CALCRL: variants seen among roughly 807,000 people sequenced by gnomAD.
CALCRL encodes the protein calcitonin receptor like receptor.
In CALCRL, 27 loss-of-function variants were observed where a neutral mutation model predicts 60.4. That is an observed-to-expected ratio of 0.45 (90% confidence interval 0.33 to 0.62). The LOEUF (loss-of-function observed/expected upper bound fraction) is 0.62. Ranked by LOEUF, CALCRL falls within the 20% of genes least tolerant of loss-of-function variation. The probability of loss-of-function intolerance (pLI) is 0.03; values close to 1 mark genes in which losing one functional copy is unlikely to be tolerated. For synonymous variants in CALCRL, 190 were observed against 182.6 expected (o/e 1.04, Z -0.33); for missense variants, 424 against 540.7 (o/e 0.78, Z 2.14).
chr2:187,447,395 C>A (rs988804487), intron 1 of CALCRL, among the ~76,000 whole-genome samples: 24 of 151,102 alleles, frequency 1.6e-4, no homozygotes, highest in African/African-American at 5.1e-4. Context: ...TTGTAGCCGA[C>A]ACCATGATCC....
intron 1 of CALCRL, among the ~76,000 whole-genome samples, chr2:187,412,876 T>C (rs1241147498): frequency 6.6e-6 from 1 of 152,206 alleles, no homozygotes; most frequent in Non-Finnish European, 1.5e-5. Context: ...TTTTTATTGA[T>C]TGTTTTCTCT....
chr2:187,397,045 T>C (rs892485731), intron 1 of CALCRL, among the ~76,000 whole-genome samples: 9 of 151,742 alleles, frequency 5.9e-5, no homozygotes, highest in African/African-American at 1.9e-4. Flanking sequence ...AGTTTTCTTT[T>C]CTGCAAAACA....
At chr2:187,440,634 A>G (rs1194856117) in intron 1 of CALCRL, among the ~76,000 whole-genome samples, 1 of 152,158 alleles carries the variant, frequency 6.6e-6, no homozygotes, top group African/African-American at 2.4e-5. Context: ...CAGGATTAGT[A>G]TGGAAAATTA....
At chr2:187,353,294 T>A (rs778144242) in intron 12 of CALCRL, among the ~76,000 whole-genome samples, 1 of 151,944 alleles carries the variant, frequency 6.6e-6, no homozygotes, top group Non-Finnish European at 1.5e-5. Flanking sequence ...AGGGGCTAAT[T>A]GCTATTCTCT....
chr2:187,440,068 C>A (rs1223402966), intron 1 of CALCRL, among the ~76,000 whole-genome samples: 1 of 152,006 alleles, frequency 6.6e-6, no homozygotes, highest in Admixed American at 6.6e-5. Context: ...CTATTATAAT[C>A]TTATATCAAT....
rs1159523253 is a variant in CALCRL, at chr2:187,395,048, C to A, written c.-292-7292G>T. 2.0e-5 allele frequency among the ~76,000 whole-genome samples: 3 copies of A among 152,066 alleles called. No homozygotes were observed. In the South Asian group the frequency reaches 6.2e-4, roughly 31 times the overall value. ...AATACACAATAAGCATTAGCTATTGCTATTTTCTGTATCCCTCTATAATTC... is the reference window on the plus strand; with the variant it reads ...AATACACAATAAGCATTAGCTATTGATATTTTCTGTATCCCTCTATAATTC... On this transcript the variant is annotated intron_variant, in intron 1 of 14. Coordinates refer to ENST00000392370, the MANE Select transcript of CALCRL (RefSeq NM_005795.6).
intron 14 of CALCRL, among the ~76,000 whole-genome samples, chr2:187,347,116 A>G (rs1686312133): frequency 6.6e-6 from 1 of 151,836 alleles, no homozygotes; most frequent in African/African-American, 2.4e-5. Flanking sequence ...CTCTGTTTGA[A>G]GCTAGAGATC....
chr2:187,372,522 T>C (rs976319201), intron 8 of CALCRL, among the ~76,000 whole-genome samples: 1 of 152,132 alleles, frequency 6.6e-6, no homozygotes, highest in East Asian at 1.9e-4. Context: ...ATCTGGTGAA[T>C]ACTGTTTTGT....
At chr2:187,375,001 G>A (rs982968082) in intron 8 of CALCRL, among the ~76,000 whole-genome samples, 13 of 152,158 alleles carry the variant, frequency 8.5e-5, no homozygotes, top group South Asian at 4.2e-4. Context: ...GGCCGGGCGC[G>A]GTGGCTCACG....
At chr2:187,394,649 T>C (rs1388083155) in intron 1 of CALCRL, among the ~76,000 whole-genome samples, 1 of 152,030 alleles carries the variant, frequency 6.6e-6, no homozygotes. Context: ...TAAATTGCTG[T>C]GTAATTTTAA....
At chr2:187,377,935 T>A (rs961689651) in intron 8 of CALCRL, among the ~76,000 whole-genome samples, 2 of 151,842 alleles carry the variant, frequency 1.3e-5, no homozygotes, top group African/African-American at 2.4e-5. Flanking sequence ...TAATAGGGTA[T>A]TAAAATTATA....
intron 1 of CALCRL, among the ~76,000 whole-genome samples, chr2:187,432,106 T>A (rs1690432431): frequency 6.6e-6 from 1 of 152,046 alleles, no homozygotes; most frequent in African/African-American, 2.4e-5. Flanking sequence ...AAGAACTGGG[T>A]CAAAGAGGGA....
chr2:187,427,004 A>C lies in CALCRL; in HGVS notation c.-293+21035T>G, dbSNP rs183958167. On this transcript the variant is annotated intron_variant, in intron 1 of 14. Transcript: ENST00000392370. ...AGGCTTGGCAAACATCAATGTATCC[A>C]CCATCCCTGTCCCCTTGTTTGTGGC... Among the ~76,000 whole-genome samples, 27 of 152,312 alleles carry C rather than the reference A, an allele frequency of 1.8e-4. No homozygotes were observed. In the East Asian group the frequency reaches 4.8e-3, roughly 27 times the overall value.
intron 1 of CALCRL, chr2:187,431,318 G>A (rs1479467736): frequency 6.4e-6 from 1 of 155,142 alleles, no homozygotes; most frequent in Admixed American, 6.6e-5. Context: ...GCCATCCAAA[G>A]TTTTGACAGA....
intron 1 of CALCRL, chr2:187,428,921 A>T (rs970013712): frequency 6.6e-6 from 1 of 151,828 alleles, no homozygotes; most frequent in Non-Finnish European, 1.5e-5. Context: ...TACTGTAAGC[A>T]TAACTTTTCT....
Position 187,352,338 on chromosome 2 carries a change from A to G in CALCRL, c.910-6T>C. 2 of 1,541,470 alleles carry G rather than the reference A, an allele frequency of 1.3e-6. No individual in the cohort carries two copies. The highest frequency in any genetic ancestry group is 2.7e-5 in the African/African-American group (2 of 73,454). On this transcript the variant is annotated splice_region_variant and splice_polypyrimidine_tract_variant and intron_variant, in intron 12 of 14. Transcript: ENST00000392370. ...AACAAGAAAAAAAGATTCACCTAAA[A>G]ACGAAATTAAATGGCATCTGAAAAT...
chr2:187,447,523 A>G (rs1691247420), intron 1 of CALCRL, among the ~76,000 whole-genome samples: 1 of 152,098 alleles, frequency 6.6e-6, no homozygotes, highest in Non-Finnish European at 1.5e-5. Context: ...GGTGAAAGGC[A>G]AATAAAAGCA....
chr2:187,415,565 T>C, intron 1 of CALCRL: 1 of 512,128 alleles, frequency 2.0e-6, no homozygotes, highest in Non-Finnish European at 3.6e-6. Flanking sequence ...AATGTGTCAG[T>C]GGTGGACCTG....
intron 1 of CALCRL, among the ~76,000 whole-genome samples, chr2:187,444,692 G>A (rs1433057880): frequency 8.6e-5 from 13 of 151,438 alleles, no homozygotes; most frequent in Non-Finnish European, 4.4e-5. Context: ...TTCACAGGCA[G>A]TGATACTATT....
Sources: gnomAD v4.1 joint callset for allele counts (sites outside exome capture counted in the v4.1 genomes callset) on GRCh38, gnomAD v4.1.1 for gene constraint, MANE v1.5 for transcripts, NCBI Gene and HGNC (gene_info 2026-07-23, HGNC 2026-07-21) for gene names.